XPO1: variants seen among roughly 807,000 people sequenced by gnomAD.
XPO1 encodes exportin 1, also known as exportin-1.
Under a neutral mutation model 133.3 loss-of-function variants are expected in XPO1, and 5 were observed. The ratio of observed to expected loss-of-function variants is 0.04; its 90% CI spans 0.02 to 0.08. The LOEUF (loss-of-function observed/expected upper bound fraction) is 0.08, where lower values mean the gene tolerates loss of function less well. Among genes scored for constraint, XPO1 ranks in the 10% least tolerant of loss-of-function variants. The probability of loss-of-function intolerance (pLI) is 1.00; values close to 1 mark genes in which losing one functional copy is unlikely to be tolerated. For missense variants in XPO1, 506 were observed against 1,267.5 expected (o/e 0.40, Z 9.12); for synonymous variants, 419 against 408.2 (o/e 1.03, Z -0.32).
intron 4 of XPO1, among the ~76,000 whole-genome samples, chr2:61,513,388 G>C (rs1341521432): frequency 4.6e-5 from 6 of 130,836 alleles, no homozygotes; most frequent in African/African-American, 1.8e-4. Context: ...TTTTTTGAGA[G>C]AGAGTCTTGC....
chr2:61,532,381 CCT>C (rs1699194136), intron 2 of XPO1, among the ~76,000 whole-genome samples: 1 of 152,074 alleles, frequency 6.6e-6, no homozygotes, highest in Admixed American at 6.5e-5. Flanking sequence ...CCGGCGTCGG[CCT>C]CTCAAAGTGC....
At position 61,478,060 on chromosome 2, in the gene XPO1, A is replaced by G. The variant is rs1443336662; in HGVS notation, c.*760T>C. The G allele has an allele frequency of 4.9e-6, 1 of 203,128 alleles. No individual in the cohort carries two copies. Among genetic ancestry groups the G allele is most frequent in the Non-Finnish European group, 1.0e-5 (1 of 98,818 alleles). The allele number at this position is 203,128 out of a possible 1,614,324, so 12.6% of individuals were successfully genotyped here. On this transcript the variant is annotated 3_prime_UTR_variant, in exon 25 of 25. Transcript: ENST00000401558. ...TTGTTTTGTTTTTTAATGAGTTGTT[A>G]AAAAGATGCAGCCTATTCTAACAGG...
chr2:61,499,575 A>C (rs1697405322), intron 7 of XPO1, 138 bp downstream of exon 7: 5 of 793,790 alleles, frequency 6.3e-6, no homozygotes, highest in Non-Finnish European at 9.5e-6. Context: ...CTATTTCTTA[A>C]TCTGCAGTTG....
intron 4 of XPO1, among the ~76,000 whole-genome samples, chr2:61,519,698 CAAAAAAAAAAAAAA>C (rs753424450): frequency 6.9e-5 from 5 of 72,774 alleles, no homozygotes; most frequent in Non-Finnish European, 9.8e-5. Context: ...GACTCCGTCT[CAAAAAAAAAAAAAA>C]AAAAAAAAAA....
At chr2:61,482,244 T>G in intron 23 of XPO1, 136 bp downstream of exon 23, 1 of 442,164 alleles carries the variant, frequency 2.3e-6, no homozygotes, top group Non-Finnish European at 3.3e-6. Context: ...GGATCTTGTT[T>G]TGTTGTCTAG....
chr2:61,519,300 A>G (rs1457295602), intron 4 of XPO1, among the ~76,000 whole-genome samples: 2 of 152,156 alleles, frequency 1.3e-5, no homozygotes, highest in Non-Finnish European at 2.9e-5. Context: ...GGTACAGGAT[A>G]CAGTAACGTA....
At chr2:61,482,593 T>A in intron 22 of XPO1, 54 bp from the exon 23 acceptor site, 1 of 1,414,692 alleles carries the variant, frequency 7.1e-7, no homozygotes, top group Non-Finnish European at 9.4e-7. Flanking sequence ...CTATAGATCT[T>A]AGCGTTTTTT....
At chr2:61,522,785 T>C in intron 3 of XPO1, 102 bp from the exon 4 acceptor site, 1 of 804,800 alleles carries the variant, frequency 1.2e-6, no homozygotes, top group Non-Finnish European at 2.1e-6. Context: ...CATCTAAAGT[T>C]TCAAAAACAT....
chr2:61,484,182 A>G (rs1401946158), intron 20 of XPO1, 77 bp from the exon 21 acceptor site: 2 of 1,285,168 alleles, frequency 1.6e-6, no homozygotes, highest in Non-Finnish European at 2.2e-6. Flanking sequence ...AGCAAGGCTT[A>G]ATCCAGTATA....
chr2:61,534,030 T>A, intron 1 of XPO1, 127 bp from the exon 2 acceptor site: 1 of 962,804 alleles, frequency 1.0e-6, no homozygotes, highest in Non-Finnish European at 1.4e-6. Context: ...AGACTTTAAT[T>A]ACAGAAAACT....
chr2:61,495,002 C>A (rs536698091), intron 11 of XPO1, among the ~76,000 whole-genome samples: 43 of 151,896 alleles, frequency 2.8e-4, no homozygotes, highest in African/African-American at 8.9e-4. Context: ...ACACCACGCA[C>A]AGCTAATTTT....
chr2:61,493,800 A>T, intron 12 of XPO1, 94 bp downstream of exon 12: 1 of 1,332,174 alleles, frequency 7.5e-7, no homozygotes, highest in Non-Finnish European at 1.0e-6. Context: ...CTCTTTTTAT[A>T]GCTAATTTAT....
intron 17 of XPO1, 86 bp from the exon 18 acceptor site, chr2:61,488,857 T>C: frequency 6.9e-7 from 1 of 1,447,108 alleles, no homozygotes; most frequent in Non-Finnish European, 9.5e-7. Context: ...ATCCCAGCAC[T>C]CTGAGAGGCC....
chr2:61,488,078 T>G, intron 19 of XPO1, 87 bp downstream of exon 19: 1 of 1,188,216 alleles, frequency 8.4e-7, no homozygotes, highest in Admixed American at 2.0e-5. Context: ...TGCTTTAAAT[T>G]AGCAAAATGC....
intron 12 of XPO1, 111 bp from the exon 13 acceptor site, chr2:61,493,164 G>T: frequency 9.0e-7 from 1 of 1,112,926 alleles, no homozygotes; most frequent in Non-Finnish European, 1.2e-6. Context: ...AGCCAGCCAT[G>T]TGTAGGGATT....
chr2:61,525,136 C>T (rs1468228503), intron 3 of XPO1: 1 of 327,030 alleles, frequency 3.1e-6, no homozygotes, highest in East Asian at 1.7e-4. Context: ...GAAATGATCC[C>T]TATGGTAGAA....
rs1319898253 is a variant in XPO1 at position 61,515,273 on chromosome 2, T to C, written c.301+7338A>G. ...CTTTAAACCTAATAAATAAGGCAAA[T>C]ACAAAAATTCTCAAAGGCCAATATC... On this transcript the variant is annotated intron_variant, in intron 4 of 24. Transcript: ENST00000401558. 7.2e-5 allele frequency among the ~76,000 whole-genome samples: 11 copies of C among 152,006 alleles called. No individual in the cohort carries two copies. In the East Asian group the frequency reaches 2.1e-3, roughly 29 times the overall value.
intron 1 of XPO1, among the ~76,000 whole-genome samples, chr2:61,535,368 T>C (rs1699314100): frequency 6.6e-6 from 1 of 152,196 alleles, no homozygotes; most frequent in South Asian, 2.1e-4. Context: ...TCCATGGCAC[T>C]CCCAGTTTAG....
intron 4 of XPO1, among the ~76,000 whole-genome samples, chr2:61,513,249 C>T (rs1419228053): frequency 1.3e-5 from 2 of 152,112 alleles, no homozygotes; most frequent in African/African-American, 2.4e-5. Flanking sequence ...TTTCCGCCTG[C>T]CTTGGCCTCC....
Sources: allele counts gnomAD v4.1 joint callset (sites outside exome capture counted in the v4.1 genomes callset), GRCh38; gene constraint gnomAD v4.1.1; transcripts MANE v1.5; gene names NCBI Gene and HGNC (gene_info 2026-07-23, HGNC 2026-07-21).